The following FCF1 variants were observed in gnomAD, a reference collection of about 807,000 sequenced individuals.
The protein encoded by FCF1 is FCF1 rRNA-processing protein.
Under a neutral mutation model 32.5 loss-of-function variants are expected in FCF1, and 17 were observed. The ratio of observed to expected loss-of-function variants is 0.52; its 90% CI spans 0.36 to 0.78. The LOEUF is 0.78. FCF1 is among the 30% of genes least tolerant of loss of function. The pLI is 0.00. For synonymous variants in FCF1, 84 were observed against 78.4 expected (o/e 1.07, Z -0.38); for missense variants, 201 against 241.1 (o/e 0.83, Z 1.10).
At chr14:74,732,873 A>G in intron 6 of FCF1, 55 bp downstream of exon 6, 1 of 1,024,666 alleles carries the variant, frequency 9.8e-7, no homozygotes. Context: ...AATGTAAACT[A>G]TTATCTCCTG....
intron 5 of FCF1, among the ~76,000 whole-genome samples, chr14:74,725,650 G>A (rs2140031732): frequency 6.6e-6 from 1 of 151,950 alleles, no homozygotes; most frequent in Non-Finnish European, 1.5e-5. Flanking sequence ...TTGCCGGGCG[G>A]CCAGCCAGGC....
chr14:74,728,541 G>C (rs1012208519), intron 5 of FCF1, among the ~76,000 whole-genome samples: 1 of 152,066 alleles, frequency 6.6e-6, no homozygotes, highest in African/African-American at 2.4e-5. Flanking sequence ...CAATCATGTC[G>C]TCTGCAAACG....
At chr14:74,722,467 A>C (rs2090517496) in intron 4 of FCF1, among the ~76,000 whole-genome samples, 1 of 152,032 alleles carries the variant, frequency 6.6e-6, no homozygotes, top group Admixed American at 6.6e-5. Context: ...CTATTTAGTT[A>C]ACTTCTTTGT....
At chr14:74,723,944 T>G (rs2090542112) in intron 5 of FCF1, among the ~76,000 whole-genome samples, 1 of 152,182 alleles carries the variant, frequency 6.6e-6, no homozygotes. Context: ...AAAGGGCTTA[T>G]TTTCAAAATG....
At chr14:74,719,312 A>G (rs2140023181) in intron 4 of FCF1, among the ~76,000 whole-genome samples, 1 of 150,730 alleles carries the variant, frequency 6.6e-6, no homozygotes, top group South Asian at 2.1e-4. Flanking sequence ...AAAAAAAAGA[A>G]GAAGAAGAAG....
intron 5 of FCF1, among the ~76,000 whole-genome samples, chr14:74,731,694 A>C (rs1483587190): frequency 6.6e-6 from 1 of 152,070 alleles, no homozygotes; most frequent in Non-Finnish European, 1.5e-5. Context: ...GTACCCTCAC[A>C]TTGCTTGGCA....
chr14:74,729,538 C>G (rs948242658), intron 5 of FCF1, among the ~76,000 whole-genome samples: 2 of 151,824 alleles, frequency 1.3e-5, no homozygotes, highest in Non-Finnish European at 2.9e-5. Context: ...TTTTGTTGAT[C>G]GTTTCAAAAA....
At chr14:74,732,887 G>A (rs1182754106) in intron 6 of FCF1, 69 bp downstream of exon 6, 16 of 920,634 alleles carry the variant, frequency 1.7e-5, no homozygotes, top group South Asian at 7.4e-5. Context: ...TCTCCTGAAT[G>A]TTCATGGTCA....
intron 5 of FCF1, among the ~76,000 whole-genome samples, chr14:74,730,206 CTTTT>C (rs869067896): frequency 5.5e-5 from 6 of 109,386 alleles, no homozygotes; most frequent in African/African-American, 7.0e-5. Flanking sequence ...TGTGTATATG[CTTTT>C]TTTTTTTTTT....
At chr14:74,726,196 AC>A (rs1465267239) in intron 5 of FCF1, among the ~76,000 whole-genome samples, 2 of 151,964 alleles carry the variant, frequency 1.3e-5, no homozygotes, top group Non-Finnish European at 2.9e-5. Context: ...TAAAAAAAAA[AC>A]AACAGCAGTC....
intron 6 of FCF1, among the ~76,000 whole-genome samples, chr14:74,733,840 TCTC>T (rs1269781297): frequency 4.6e-5 from 7 of 152,134 alleles, no homozygotes. Flanking sequence ...TTTTCTACCT[TCTC>T]CTCCTCAAGA....
At chr14:74,727,919 T>C (rs200115467) in intron 5 of FCF1, among the ~76,000 whole-genome samples, 1 of 152,192 alleles carries the variant, frequency 6.6e-6, no homozygotes, top group African/African-American at 2.4e-5. Context: ...GTTGTAGATA[T>C]GCGGCGTTAT....
At chr14:74,713,317 C>A in intron 1 of FCF1, 117 bp downstream of exon 1, 2 of 1,604,432 alleles carry the variant, frequency 1.2e-6, no homozygotes, top group Non-Finnish European at 8.5e-7. Context: ...TCATTCTGGT[C>A]TTAGCTCTTA....
In FCF1 at chr14:74,723,307, A is replaced by G; in HGVS notation, c.328A>G (p.Ile110Val). Residue 110 changes from isoleucine (I) to valine (V), a missense_variant, in exon 5 of 8, where the codon ATT becomes GTT. Ile to Val is a conservative substitution (Grantham distance 29, BLOSUM62 3). Transcript: ENST00000341162. ...PCITDCVMAEIEKLGQKYRVA... is the reference protein window; with the variant it reads ...PCITDCVMAEVEKLGQKYRVA... ...TATAACCGATTGTGTAATGGCTGAA[A>G]TTGAGAAATTGGGGCAGAAGTATCG... 6.2e-7 allele frequency: 1 copy of G among 1,613,748 alleles called. No homozygotes were observed. The highest frequency in any genetic ancestry group is 8.5e-7 in the Non-Finnish European group (1 of 1,179,760).
chr14:74,732,808 G>C lies in FCF1; in HGVS notation c.443G>C (p.Arg148Thr). 1 of 1,596,738 alleles carries C rather than the reference G, an allele frequency of 6.3e-7. No homozygotes were observed. Among genetic ancestry groups the C allele is most frequent in the Non-Finnish European group, 8.6e-7 (1 of 1,165,660 alleles). The change falls in exon 6 of 8, where the codon AGA becomes ACA. Residue 148 changes from arginine (R) to threonine (T), a missense_variant. Transcript: ENST00000341162. ...TATGCAGATGACTGCTTAGTACAGA[G>C]AGTAACTCAGGTATTATCAGTTCAT... ...GTYADDCLVQ[R>T]VTQHKCYIVA...
chr14:74,723,143 T>C, intron 4 of FCF1, 129 bp from the exon 5 acceptor site: 1 of 668,224 alleles, frequency 1.5e-6, no homozygotes, highest in Non-Finnish European at 2.7e-6. Flanking sequence ...TTCTTGTATA[T>C]TTCAGTGTGC....
intron 5 of FCF1, among the ~76,000 whole-genome samples, chr14:74,725,603 A>G (rs565927087): frequency 9.9e-5 from 15 of 152,044 alleles, no homozygotes; most frequent in Admixed American, 9.8e-4. Context: ...AGCCTGGCCA[A>G]CATAATGAGA....
At chr14:74,725,638 A>T (rs1384990413) in intron 5 of FCF1, among the ~76,000 whole-genome samples, 1 of 151,762 alleles carries the variant, frequency 6.6e-6, no homozygotes, top group African/African-American at 2.4e-5. Flanking sequence ...AACTTTAAAA[A>T]TTTGCCGGGC....
chr14:74,731,446 C>T (rs1277029259), intron 5 of FCF1, among the ~76,000 whole-genome samples: 2 of 152,298 alleles, frequency 1.3e-5, no homozygotes, highest in African/African-American at 2.4e-5. Flanking sequence ...GTATCCTCCC[C>T]AGCACAGCCT....
Sources: gnomAD v4.1 joint callset for allele counts (sites outside exome capture counted in the v4.1 genomes callset) on GRCh38, gnomAD v4.1.1 for gene constraint, MANE v1.5 for transcripts, NCBI Gene and HGNC (gene_info 2026-07-23, HGNC 2026-07-21) for gene names.